DNMBP: variants seen among roughly 807,000 people sequenced by gnomAD.
The protein encoded by DNMBP is dynamin-binding protein.
In DNMBP, 87 loss-of-function variants were observed where a neutral mutation model predicts 150.0. The observed-to-expected ratio is 0.58, with a 90% CI of 0.49 to 0.69. The LOEUF (loss-of-function observed/expected upper bound fraction) is 0.69, where lower values mean the gene tolerates loss of function less well. DNMBP is among the 30% of genes least tolerant of loss of function. The pLI is 0.00. For synonymous variants in DNMBP, 711 were observed against 750.4 expected, an observed-to-expected ratio of 0.95 and a Z score of 0.86; for missense variants, 1,774 against 1,949.0, an observed-to-expected ratio of 0.91 and a Z score of 1.69.
Position 99,961,473 on chromosome 10 carries a change from G to A in DNMBP, c.269-4268C>T, listed in dbSNP as rs374270144. Among the ~76,000 whole-genome samples, 607 of 142,770 alleles carry A rather than the reference G, an allele frequency of 4.3e-3. 1 individual carries two copies. Among genetic ancestry groups the A allele is most frequent in the Middle Eastern group, 0.035 (10 of 288 alleles). The allele number at this position is 142,770 out of a possible 152,430, so 93.7% of individuals were successfully genotyped here. ...GACAGGGTCTCACTATGTTGCCCAG[G>A]CTGGTCTCGAACTCCTGGACTCAAG... On this transcript the variant is annotated intron_variant, in intron 3 of 16. Transcript: ENST00000324109.
At chr10:99,907,563 C>T (rs998445308) in intron 6 of DNMBP, among the ~76,000 whole-genome samples, 1 of 151,826 alleles carries the variant, frequency 6.6e-6, no homozygotes, top group African/African-American at 2.4e-5. Context: ...TGACCACGCC[C>T]AGCTCTATTT....
At chr10:100,005,952 C>G (rs1171053940) in intron 1 of DNMBP, among the ~76,000 whole-genome samples, 1 of 152,110 alleles carries the variant, frequency 6.6e-6, no homozygotes, top group Non-Finnish European at 1.5e-5. Flanking sequence ...GGGAATTCTA[C>G]AACAAAACCA....
At chr10:99,933,506 T>C (rs1197539280) in intron 4 of DNMBP, among the ~76,000 whole-genome samples, 1 of 136,916 alleles carries the variant, frequency 7.3e-6, no homozygotes, top group Non-Finnish European at 1.6e-5. Flanking sequence ...AGCTTTATTA[T>C]ATGGGTTCAG....
intron 4 of DNMBP, chr10:99,930,666 T>TTCCGTACAC (rs749276565): frequency 5.3e-5 from 37 of 702,860 alleles, no homozygotes; most frequent in Middle Eastern, 2.3e-4. Context: ...AAGGTTCCTT[T>TTCCGTACAC]TCCGTACACT....
chr10:99,993,314 G>A (rs2040917137), intron 1 of DNMBP, among the ~76,000 whole-genome samples: 1 of 152,142 alleles, frequency 6.6e-6, no homozygotes, highest in African/African-American at 2.4e-5. Context: ...GACTGCTACT[G>A]GGTATGAAGT....
At chr10:99,883,099 A>G (rs963304216) in intron 15 of DNMBP, among the ~76,000 whole-genome samples, 3 of 152,112 alleles carry the variant, frequency 2.0e-5, no homozygotes, top group Non-Finnish European at 4.4e-5. Flanking sequence ...CACCAAAAGG[A>G]TAAGTTACAA....
intron 3 of DNMBP, among the ~76,000 whole-genome samples, chr10:99,958,862 C>T (rs2040529105): frequency 6.6e-6 from 1 of 152,188 alleles, no homozygotes. Flanking sequence ...TGAAAGTTCA[C>T]CGACGTAGTT....
chr10:99,948,329 T>C (rs1019357473), intron 4 of DNMBP, among the ~76,000 whole-genome samples: 1 of 152,208 alleles, frequency 6.6e-6, no homozygotes, highest in Non-Finnish European at 1.5e-5. Context: ...AGTAAAAGTT[T>C]TTTAAAATAC....
chr10:99,895,193 C>T, intron 10 of DNMBP, 143 bp from the exon 11 acceptor site: 1 of 576,078 alleles, frequency 1.7e-6, no homozygotes, highest in East Asian at 2.9e-5. Flanking sequence ...ATGGCATGAT[C>T]TTGGCTCACT....
chr10:99,938,314 T>C (rs1031028201), intron 4 of DNMBP, among the ~76,000 whole-genome samples: 20 of 152,050 alleles, frequency 1.3e-4, no homozygotes, highest in African/African-American at 4.8e-4. Context: ...GAGGCCAAGG[T>C]GGGCGGATCA....
intron 3 of DNMBP, among the ~76,000 whole-genome samples, chr10:99,962,657 A>G (rs2040577579): frequency 6.6e-6 from 1 of 152,064 alleles, no homozygotes; most frequent in Non-Finnish European, 1.5e-5. Flanking sequence ...AAAAAACCAC[A>G]AGTAATTTTT....
intron 4 of DNMBP, among the ~76,000 whole-genome samples, chr10:99,915,504 C>A (rs1406075776): frequency 3.3e-5 from 5 of 150,898 alleles, no homozygotes; most frequent in Admixed American, 6.6e-5. Flanking sequence ...ACCAGGAGTT[C>A]GAGACCAGCC....
chr10:99,885,743 G>T lies in DNMBP; in HGVS notation c.3742C>A (p.Pro1248Thr). The change falls in exon 14 of 17, where the codon CCA (proline) becomes ACA (threonine). Residue 1248 changes from proline (P) to threonine (T), a missense_variant. By Grantham distance (38) the Pro-to-Thr change is conservative. Around this residue, in one of 2 missense-constraint regions of DNMBP, gnomAD observed 1,430 missense variants for 1,492.5 expected, o/e 0.96. Transcript: ENST00000324109. ...CGGTCAATGGTTTTCCTCTCAAATG[G>T]CTTCTTGGTAGCTGGAAGAGACTCC... ...FPESLPATKK[P>T]FERKTIDRQS... 6.3e-7 allele frequency: 1 copy of T among 1,598,722 alleles called. No homozygotes were observed. Among genetic ancestry groups the T allele is most frequent in the Non-Finnish European group, 8.5e-7 (1 of 1,171,364 alleles).
At chr10:99,906,543 G>T (rs2039827458) in intron 6 of DNMBP, among the ~76,000 whole-genome samples, 1 of 152,146 alleles carries the variant, frequency 6.6e-6, no homozygotes, top group Admixed American at 6.5e-5. Flanking sequence ...AGACTCTGTG[G>T]CTCCTGTCTC....
In DNMBP at chr10:99,955,669, G is replaced by A. The variant is rs531493013; in HGVS notation, c.1805C>T (p.Pro602Leu). ...SSKLITEQEL[P>L]ERRKALRPPP... ...TGGCCTTAGGGCCTTTCTCCTTTCCGGCAGCTCCTGCTCGGTGATTAACTT... is the reference window on the plus strand; with the variant it reads ...TGGCCTTAGGGCCTTTCTCCTTTCCAGCAGCTCCTGCTCGGTGATTAACTT... Residue 602 changes from proline to leucine, a missense_variant, in exon 4 of 17, where the codon CCG (proline) becomes CTG (leucine). Pro to Leu is a moderately conservative substitution (Grantham distance 98, BLOSUM62 -3). Coordinates refer to ENST00000324109, the MANE Select transcript of DNMBP (RefSeq NM_015221.4). The A allele has an allele frequency of 7.5e-5, 121 of 1,614,116 alleles. No homozygotes were observed. The highest frequency in any genetic ancestry group is 1.2e-4 in the African/African-American group (9 of 75,030).
At chr10:100,009,306 G>A (rs1232271862) in intron 1 of DNMBP, among the ~76,000 whole-genome samples, 1 of 152,238 alleles carries the variant, frequency 6.6e-6, no homozygotes, top group Admixed American at 6.5e-5. Context: ...GAACGCGGGT[G>A]TCCGCGGGTT....
intron 16 of DNMBP, among the ~76,000 whole-genome samples, chr10:99,878,555 G>C (rs947392580): frequency 2.0e-5 from 3 of 152,186 alleles, no homozygotes; most frequent in Non-Finnish European, 4.4e-5. Context: ...ACAAAGCTCG[G>C]CTATGGCACT....
At chr10:99,891,331 G>GC (rs1256769797) in intron 11 of DNMBP, among the ~76,000 whole-genome samples, 1 of 150,038 alleles carries the variant, frequency 6.7e-6, no homozygotes, top group Non-Finnish European at 1.5e-5. Flanking sequence ...TTGCAGGCAC[G>GC]CGCCACCACG....
chr10:99,980,175 T>G (rs1488263332), intron 1 of DNMBP, among the ~76,000 whole-genome samples: 1 of 152,078 alleles, frequency 6.6e-6, no homozygotes, highest in African/African-American at 2.4e-5. Flanking sequence ...CTGGGTGCGG[T>G]GGCTCAGGCC....
Sources: allele counts gnomAD v4.1 joint callset (sites outside exome capture counted in the v4.1 genomes callset), GRCh38; gene constraint gnomAD v4.1.1; regional missense constraint gnomAD v4.1.1; transcripts MANE v1.5; gene names NCBI Gene and HGNC (gene_info 2026-07-23, HGNC 2026-07-21).